EPB41L4A: variants seen among roughly 807,000 people sequenced by gnomAD.
The protein encoded by EPB41L4A is band 4.1-like protein 4A.
A neutral mutation model predicts 108.6 loss-of-function variants in EPB41L4A; 100 were observed. The ratio of observed to expected loss-of-function variants is 0.92; its 90% CI spans 0.78 to 1.09. The LOEUF (loss-of-function observed/expected upper bound fraction) is 1.09, where lower values mean the gene tolerates loss of function less well. Ranked by LOEUF, EPB41L4A falls within the 50% of genes least tolerant of loss-of-function variation. The pLI is 0.00. For synonymous variants in EPB41L4A, 319 were observed against 289.0 expected, an observed-to-expected ratio of 1.10 and a Z score of -1.05; for missense variants, 1,030 against 842.7, an observed-to-expected ratio of 1.22 and a Z score of -2.75.
chr5:112,309,579 G>A (rs996249113), intron 1 of EPB41L4A, among the ~76,000 whole-genome samples: 9 of 152,096 alleles, frequency 5.9e-5, no homozygotes, highest in African/African-American at 1.9e-4. Context: ...TTTAGGCTTT[G>A]TGGCAAGCAA....
Position 112,407,489 on chromosome 5 carries a change from C to T in EPB41L4A, c.99+11452G>A, listed in dbSNP as rs559704115. 5.9e-5 allele frequency among the ~76,000 whole-genome samples: 9 copies of T among 152,282 alleles called. No individual in the cohort carries two copies. The East Asian group carries it at 1.7e-3, about 29-fold the overall frequency. The stretch of plus-strand genomic sequence containing the variant: ...TTAGAAGCAGTCTTCCAGCTGTCTA[C>T]ATTATTTCCTGTGAGGAAAGCAGCA... On this transcript the variant is annotated intron_variant, in intron 1 of 22. Coordinates refer to ENST00000261486, the MANE Select transcript of EPB41L4A (RefSeq NM_022140.5).
chr5:112,161,949 G>T (rs1486732325), downstream of EPB41L4A: 1 of 157,606 alleles, frequency 6.3e-6, no homozygotes. Flanking sequence ...TTTTGGGAAG[G>T]TTTTGCTGAT....
intron 8 of EPB41L4A, 151 bp downstream of exon 8, chr5:112,259,740 G>T: frequency 1.6e-6 from 1 of 638,438 alleles, no homozygotes. Flanking sequence ...ATGCTGAGGT[G>T]CAACAGGAGA....
chr5:112,384,722 GGAAAGAGAAACAAAAAGA>G (rs1438890580), intron 1 of EPB41L4A, among the ~76,000 whole-genome samples: 3 of 149,030 alleles, frequency 2.0e-5, no homozygotes, highest in Non-Finnish European at 3.0e-5. Flanking sequence ...AGGGAGGGAG[GGAAAGAGAAACAAAAAGA>G]GAAAGAGAAA....
At chr5:112,300,532 G>A (rs916422362) in intron 2 of EPB41L4A, among the ~76,000 whole-genome samples, 13 of 152,226 alleles carry the variant, frequency 8.5e-5, no homozygotes, top group Non-Finnish European at 1.6e-4. Context: ...AATCTGATAG[G>A]TTTTCCTTTA....
chr5:112,310,503 T>A (rs1754977851), intron 1 of EPB41L4A, among the ~76,000 whole-genome samples: 1 of 152,222 alleles, frequency 6.6e-6, no homozygotes, highest in Non-Finnish European at 1.5e-5. Flanking sequence ...CTAAGTATAA[T>A]GGCTTGTGTA....
intron 1 of EPB41L4A, among the ~76,000 whole-genome samples, chr5:112,384,398 C>T (rs568441531): frequency 6.6e-5 from 10 of 151,444 alleles, no homozygotes; most frequent in Admixed American, 6.6e-5. Flanking sequence ...TAACCTGAGT[C>T]CAAAGGCAAA....
chr5:112,310,777 C>G (rs1221917010), intron 1 of EPB41L4A, among the ~76,000 whole-genome samples: 1 of 151,914 alleles, frequency 6.6e-6, no homozygotes, highest in African/African-American at 2.4e-5. Context: ...GCAAACAATC[C>G]CCCTATTTGA....
chr5:112,325,498 C>G (rs1756093284), intron 1 of EPB41L4A, among the ~76,000 whole-genome samples: 1 of 150,866 alleles, frequency 6.6e-6, no homozygotes, highest in African/African-American at 2.4e-5. Flanking sequence ...TCAAGTGATG[C>G]CCATAAAGTA....
At chr5:112,174,542 T>G (rs567779048) in intron 18 of EPB41L4A, among the ~76,000 whole-genome samples, 1 of 152,184 alleles carries the variant, frequency 6.6e-6, no homozygotes, top group South Asian at 2.1e-4. Flanking sequence ...AGAAATTAGT[T>G]TGATGACACA....
chr5:112,323,327 T>C (rs146126193), intron 1 of EPB41L4A, among the ~76,000 whole-genome samples: 2 of 152,292 alleles, frequency 1.3e-5, no homozygotes, highest in African/African-American at 4.8e-5. Flanking sequence ...AAAAGACACA[T>C]GCCTAGGCTT....
intron 14 of EPB41L4A, 27 bp downstream of exon 14, chr5:112,205,394 C>G: frequency 6.3e-7 from 1 of 1,589,920 alleles, no homozygotes; most frequent in Non-Finnish European, 8.6e-7. Flanking sequence ...CTACTGTCTC[C>G]TTTATAAAAA....
At chr5:112,353,225 G>A (rs781716860) in intron 1 of EPB41L4A, among the ~76,000 whole-genome samples, 1 of 151,564 alleles carries the variant, frequency 6.6e-6, no homozygotes, top group Non-Finnish European at 1.5e-5. Flanking sequence ...AACCAAGCAT[G>A]CCTGTTGGCA....
At chr5:112,296,853 A>G (rs896612425) in intron 2 of EPB41L4A, among the ~76,000 whole-genome samples, 2 of 152,030 alleles carry the variant, frequency 1.3e-5, no homozygotes, top group African/African-American at 4.8e-5. Context: ...GTGAGAACAT[A>G]CAATATTTGT....
intron 1 of EPB41L4A, among the ~76,000 whole-genome samples, chr5:112,328,815 T>C (rs1251313201): frequency 6.6e-6 from 1 of 152,242 alleles, no homozygotes; most frequent in African/African-American, 2.4e-5. Context: ...GAAACACAAA[T>C]GTGCTAAAAG....
At chr5:112,298,796 A>AT (rs572688695) in intron 2 of EPB41L4A, among the ~76,000 whole-genome samples, 136 of 152,004 alleles carry the variant, frequency 8.9e-4, no homozygotes, top group Admixed American at 1.8e-3. Flanking sequence ...CTTGTTGGTA[A>AT]TTTTTTTATT....
chr5:112,311,761 G>C (rs1045356533), intron 1 of EPB41L4A, among the ~76,000 whole-genome samples: 3 of 152,170 alleles, frequency 2.0e-5, no homozygotes, highest in African/African-American at 7.2e-5. Context: ...GGTTACTGTA[G>C]AAAGTGCACA....
intron 1 of EPB41L4A, among the ~76,000 whole-genome samples, chr5:112,329,972 T>C (rs948838201): frequency 1.3e-5 from 2 of 152,164 alleles, no homozygotes; most frequent in African/African-American, 4.8e-5. Context: ...AAACCGGATG[T>C]CCTTATTTGC....
At chr5:112,368,252 T>G (rs1759262491) in intron 1 of EPB41L4A, among the ~76,000 whole-genome samples, 1 of 152,190 alleles carries the variant, frequency 6.6e-6, no homozygotes, top group South Asian at 2.1e-4. Context: ...CTTTGCCCCT[T>G]ACTTGTAAAA....
Sources: allele counts gnomAD v4.1 joint callset (sites outside exome capture counted in the v4.1 genomes callset), GRCh38; gene constraint gnomAD v4.1.1; transcripts MANE v1.5; gene names NCBI Gene and HGNC (gene_info 2026-07-23, HGNC 2026-07-21).